Variants in NFATC3 observed in about 807,000 individuals in gnomAD.
NFATC3 encodes the protein nuclear factor of activated T cells 3.
A neutral mutation model predicts 98.6 loss-of-function variants in NFATC3; 46 were observed. That is an observed-to-expected ratio of 0.47 (90% CI 0.37 to 0.60). The LOEUF (loss-of-function observed/expected upper bound fraction) is 0.60. NFATC3 is among the 20% of genes least tolerant of loss of function. The pLI, the probability that NFATC3 is intolerant of heterozygous loss-of-function variation, is 0.00. For synonymous variants in NFATC3, 512 were observed against 472.2 expected, an observed-to-expected ratio of 1.08 and a Z score of -1.09; for missense variants, 1,256 against 1,295.5, an observed-to-expected ratio of 0.97 and a Z score of 0.47.
At chr16:68,190,560 T>C (rs1426933709) in intron 8 of NFATC3, among the ~76,000 whole-genome samples, 1 of 152,216 alleles carries the variant, frequency 6.6e-6, no homozygotes, top group Non-Finnish European at 1.5e-5. Context: ...GATATTCATA[T>C]TATACAGAAG....
intron 1 of NFATC3, chr16:68,086,536 C>G (rs1268447613): frequency 7.9e-6 from 4 of 508,090 alleles, no homozygotes; most frequent in Admixed American, 1.3e-4. Context: ...CAGGTCAGAC[C>G]AATCAGGAAA....
At chr16:68,144,768 C>T (rs566029273) in intron 3 of NFATC3, among the ~76,000 whole-genome samples, 1 of 152,280 alleles carries the variant, frequency 6.6e-6, no homozygotes, top group Admixed American at 6.5e-5. Flanking sequence ...AGAGATTCTC[C>T]TGCCTCAGTC....
At chr16:68,166,380 ATTG>A (rs1360616655) in intron 4 of NFATC3, among the ~76,000 whole-genome samples, 2 of 152,092 alleles carry the variant, frequency 1.3e-5, no homozygotes, top group Non-Finnish European at 2.9e-5. Flanking sequence ...GTGGTTAGGG[ATTG>A]TCTGGGCCTT....
chr16:68,086,561 C>A, intron 1 of NFATC3: 1 of 774,160 alleles, frequency 1.3e-6, no homozygotes, highest in Non-Finnish European at 1.6e-6. Context: ...AACAGGATGA[C>A]TGGGGACTTA....
At chr16:68,133,602 C>A (rs1020316148) in intron 3 of NFATC3, among the ~76,000 whole-genome samples, 4 of 152,058 alleles carry the variant, frequency 2.6e-5, no homozygotes, top group African/African-American at 9.7e-5. Context: ...AGTTTATACC[C>A]CCAACCGAAG....
intron 9 of NFATC3, among the ~76,000 whole-genome samples, chr16:68,217,524 C>CT (rs1026993349): frequency 2.0e-5 from 3 of 146,940 alleles, no homozygotes; most frequent in Non-Finnish European, 4.5e-5. Flanking sequence ...GGTTTTCTTG[C>CT]TTACAGTACT....
chr16:68,101,598 C>T (rs995925632), intron 1 of NFATC3, among the ~76,000 whole-genome samples: 2 of 151,656 alleles, frequency 1.3e-5, no homozygotes, highest in African/African-American at 4.8e-5. Context: ...ATTCTCTTGT[C>T]TCAGCCTCCC....
chr16:68,192,598 C>T (rs1250803364), intron 9 of NFATC3, among the ~76,000 whole-genome samples: 2 of 151,726 alleles, frequency 1.3e-5, no homozygotes, highest in Non-Finnish European at 2.9e-5. Flanking sequence ...GTGGCTCACA[C>T]CTATAATCCC....
chr16:68,224,990 G>A (rs765219532), intron 9 of NFATC3: 1 of 151,936 alleles, frequency 6.6e-6, no homozygotes, highest in Non-Finnish European at 1.5e-5. Flanking sequence ...TCTCACTCTT[G>A]TTTCCCAGGC....
intron 9 of NFATC3, among the ~76,000 whole-genome samples, chr16:68,216,331 TTG>T (rs2151169467): frequency 6.6e-6 from 1 of 152,242 alleles, no homozygotes; most frequent in South Asian, 2.1e-4. Flanking sequence ...TTGAGAGAAG[TTG>T]TTTATTTTTT....
chr16:68,204,762 TA>T (rs1567548900), intron 9 of NFATC3, among the ~76,000 whole-genome samples: 1 of 152,248 alleles, frequency 6.6e-6, no homozygotes, highest in Non-Finnish European at 1.5e-5. Context: ...TTAAAATTGA[TA>T]TCCTTTTTTT....
intron 6 of NFATC3, among the ~76,000 whole-genome samples, chr16:68,178,064 G>GT (rs2039797387): frequency 6.6e-6 from 1 of 151,860 alleles, no homozygotes; most frequent in South Asian, 2.1e-4. Context: ...AAATATAGAT[G>GT]TTTTCTAAGG....
intron 9 of NFATC3, among the ~76,000 whole-genome samples, chr16:68,194,200 G>A (rs1272298230): frequency 1.3e-5 from 2 of 152,136 alleles, no homozygotes; most frequent in African/African-American, 4.8e-5. Flanking sequence ...TTTTCTTGTG[G>A]CACTACAGCT....
At chr16:68,088,060 A>T (rs528299000) in intron 1 of NFATC3, among the ~76,000 whole-genome samples, 16 of 152,220 alleles carry the variant, frequency 1.1e-4, no homozygotes, top group Middle Eastern at 6.8e-3. Context: ...TACTAAGCAT[A>T]ATTATGAGTA....
At position 68,188,777 on chromosome 16, in the gene NFATC3, C is replaced by T. The variant is rs1187723533; in HGVS notation, c.2099-1991C>T. 3.9e-5 allele frequency among the ~76,000 whole-genome samples: 6 copies of T among 152,146 alleles called. No individual in the cohort carries two copies. The East Asian group carries it at 9.6e-4, about 24-fold the overall frequency. ...AGGCTGGAATGCAATGGTACTATCT[C>T]GTTTCACTGCAACCTCTGCCTCCCG... is the stretch of plus-strand genomic sequence containing the variant. On this transcript the variant is annotated intron_variant, in intron 8 of 9. Transcript: ENST00000346183.
chr16:68,105,959 G>A (rs1471024752), intron 1 of NFATC3, among the ~76,000 whole-genome samples: 5 of 151,624 alleles, frequency 3.3e-5, no homozygotes, highest in Non-Finnish European at 5.9e-5. Flanking sequence ...GCTCACTGCA[G>A]CCTCCGCTTC....
At chr16:68,130,660 C>A (rs1267752167) in intron 3 of NFATC3, among the ~76,000 whole-genome samples, 3 of 152,078 alleles carry the variant, frequency 2.0e-5, no homozygotes, top group Non-Finnish European at 4.4e-5. Flanking sequence ...TGATAGAGTT[C>A]TATTTCTCTG....
chr16:68,155,242 A>G (rs1459076320), intron 3 of NFATC3, among the ~76,000 whole-genome samples: 4 of 152,224 alleles, frequency 2.6e-5, no homozygotes, highest in African/African-American at 9.6e-5. Context: ...CAAGGAGGCT[A>G]CTATACCAAG....
Position 68,120,656 on chromosome 16 carries a change from A to C in NFATC3, c.104-1331A>C, listed in dbSNP as rs543846964. 2.0e-5 allele frequency among the ~76,000 whole-genome samples: 3 copies of C among 151,672 alleles called. No homozygotes were observed. In the South Asian group the frequency reaches 6.3e-4, roughly 32 times the overall value. On this transcript the variant is annotated intron_variant, in intron 1 of 9. Coordinates refer to ENST00000346183, the MANE Select transcript of NFATC3 (RefSeq NM_173165.3). ...TACTCAGGAGACTGAGACAGGAGGC[A>C]GGAGAATTGCTTGAATCCAGGAGGC... is the stretch of plus-strand genomic sequence containing the variant.
Sources: allele counts gnomAD v4.1 joint callset (sites outside exome capture counted in the v4.1 genomes callset), GRCh38; gene constraint gnomAD v4.1.1; transcripts MANE v1.5; gene names NCBI Gene and HGNC (gene_info 2026-07-23, HGNC 2026-07-21).